The following PPARA variants were observed in gnomAD, a reference collection of about 807,000 sequenced individuals.
PPARA encodes the protein peroxisome proliferator-activated receptor alpha.
In PPARA, 22 loss-of-function variants were observed where a neutral mutation model predicts 42.2. That is an observed-to-expected ratio of 0.52 (90% CI 0.37 to 0.74). PPARA has a LOEUF of 0.74. Ranked by LOEUF, PPARA falls within the 30% of genes least tolerant of loss-of-function variation. The pLI is 0.00. For missense variants in PPARA, 465 were observed against 608.2 expected (o/e 0.76, Z 2.48); for synonymous variants, 242 against 239.3 (o/e 1.01, Z -0.10).
At chr22:46,151,826 A>C (rs1221607952) in intron 1 of PPARA, 62 bp from the exon 2 acceptor site, 2 of 152,238 alleles carry the variant, frequency 1.3e-5, no homozygotes, top group African/African-American at 4.8e-5. Context: ...TCCAAGGTGA[A>C]GAGTTGGGGG....
chr22:46,204,069 TG>T lies in PPARA; in HGVS notation c.208+5479del. On this transcript the variant is annotated intron_variant, in intron 4 of 8. Coordinates refer to ENST00000407236, the MANE Select transcript of PPARA (RefSeq NM_005036.6). This position sits in a 1 kb window ranked among gnomAD's most constrained non-coding sequence, Gnocchi z 5.2. ...GAATCCACTTTCTATCATTCTAGGT[TG>T]CTTTATATTTCCTAGAATTTTATAT... Among the ~76,000 whole-genome samples the T allele has an allele frequency of 6.6e-6, 1 of 152,248 alleles. No homozygotes were observed. Among genetic ancestry groups the T allele is most frequent in the East Asian group, 1.9e-4 (1 of 5,202 alleles).
At chr22:46,197,536 G>C (rs2147375265) in intron 3 of PPARA, among the ~76,000 whole-genome samples, 1 of 152,336 alleles carries the variant, frequency 6.6e-6, no homozygotes, top group Admixed American at 6.5e-5. Flanking sequence ...GCCTGGAGGA[G>C]AGGCTCAGTG....
chr22:46,220,818 C>T (rs1601792979), intron 7 of PPARA, among the ~76,000 whole-genome samples: 1 of 151,972 alleles, frequency 6.6e-6, no homozygotes, highest in South Asian at 2.1e-4. Context: ...TGGCACACAC[C>T]TGTAATTCCA....
At chr22:46,152,460 T>C (rs1317607956) in intron 2 of PPARA, among the ~76,000 whole-genome samples, 1 of 152,152 alleles carries the variant, frequency 6.6e-6, no homozygotes, top group African/African-American at 2.4e-5. Flanking sequence ...TTCTGAGTTA[T>C]TGTGTGACTT....
chr22:46,207,674 ATTATTTTTT>A (rs971961643), intron 4 of PPARA, among the ~76,000 whole-genome samples: 2 of 61,726 alleles, frequency 3.2e-5, no homozygotes, highest in African/African-American at 1.3e-4. Flanking sequence ...TATTATTATT[ATTATTTTTT>A]TTTTTTTTTT....
At position 46,190,216 on chromosome 22, in the gene PPARA, C is replaced by T. The variant is rs1190655370; in HGVS notation, c.-42-8126C>T. On this transcript the variant is annotated intron_variant, in intron 3 of 8. Transcript: ENST00000407236. This position sits in a 1 kb window ranked among gnomAD's most constrained non-coding sequence, Gnocchi z 5.6. ...AGAGAAAAATCTGTCTTCTGATGGT[C>T]ACCTGCCCCAGCAACACTACTCGTT... Among the ~76,000 whole-genome samples the T allele has an allele frequency of 6.6e-6, 1 of 152,192 alleles. No homozygotes were observed. The highest frequency in any genetic ancestry group is 1.5e-5 in the Non-Finnish European group (1 of 68,024).
rs139868760 is a variant in PPARA at position 46,182,136 on chromosome 22, A to T, written c.-43+5300A>T. On this transcript the variant is annotated intron_variant, in intron 3 of 8. Coordinates refer to ENST00000407236, the MANE Select transcript of PPARA (RefSeq NM_005036.6). This position sits in a 1 kb window ranked among gnomAD's most constrained non-coding sequence, Gnocchi z 5.2. ...GCTGGGATTACAGGTGTGAACCACC[A>T]TGCCCAGCCAGCAGTTTCTTATAAA... Among the ~76,000 whole-genome samples the T allele has an allele frequency of 2.0e-5, 3 of 152,328 alleles. No individual in the cohort carries two copies. Among genetic ancestry groups the T allele is most frequent in the African/African-American group, 7.2e-5 (3 of 41,568 alleles).
At position 46,183,919 on chromosome 22, in the gene PPARA, C is replaced by T. The variant is rs753373516; in HGVS notation, c.-43+7083C>T. 7.9e-5 allele frequency among the ~76,000 whole-genome samples: 12 copies of T among 152,038 alleles called. No individual in the cohort carries two copies. The highest frequency in any genetic ancestry group is 1.3e-4 in the Admixed American group (2 of 15,258). On this transcript the variant is annotated intron_variant, in intron 3 of 8. Transcript: ENST00000407236. This position sits in a 1 kb window ranked among gnomAD's most constrained non-coding sequence, Gnocchi z 5.5. Reference sequence around the variant, plus strand: ...AGGCTTGCTGCCTGAGGTCAAACCCCGGTCCCGGTGGTTCTGTGCCCCAGC... The same window carrying T: ...AGGCTTGCTGCCTGAGGTCAAACCCTGGTCCCGGTGGTTCTGTGCCCCAGC...
rs1473644070 is a variant in PPARA, at chr22:46,241,637, C to T, written c.*6257C>T. 1 of 152,120 alleles carries T rather than the reference C, an allele frequency of 6.6e-6. No individual in the cohort carries two copies. Among genetic ancestry groups the T allele is most frequent in the Non-Finnish European group, 1.5e-5 (1 of 68,024 alleles). The allele number at this position is 152,120 out of a possible 1,614,324, so 9.4% of individuals were successfully genotyped here. A position where few individuals can be genotyped will look rare whatever the true frequency, so the allele number is the denominator to read the frequency against. ...ACGTCCCGGCAGATCTGGAATGGGG[C>T]CCTCAACTGACCATTTGCTTCTCAG... On this transcript the variant is annotated 3_prime_UTR_variant, in exon 9 of 9. Coordinates refer to ENST00000407236, the MANE Select transcript of PPARA (RefSeq NM_005036.6). This position sits in a 1 kb window ranked among gnomAD's most constrained non-coding sequence, Gnocchi z 5.7.
rs1005846433 is a variant in PPARA at position 46,219,672 on chromosome 22, G to A, written c.509-140G>A. The A allele has an allele frequency of 3.2e-5, 26 of 809,902 alleles. No individual in the cohort carries two copies. Among genetic ancestry groups the A allele is most frequent in the Admixed American group, 1.9e-4 (9 of 48,500 alleles). 50.2% of individuals were successfully genotyped at this position (809,902 alleles called of 1,614,324 possible). A position where few individuals can be genotyped will look rare whatever the true frequency, so the allele number is the denominator to read the frequency against. On this transcript the variant is annotated intron_variant, in intron 6 of 8. Transcript: ENST00000407236. The surrounding 1 kb of genome is among the most constrained non-coding windows in gnomAD (Gnocchi z 4.8). Reference sequence around the variant, plus strand: ...TTTCATCTCTCCATAGTGGAAAGCCGAATAGTAATGAAGGATGGGTCTGAA... The same window carrying A: ...TTTCATCTCTCCATAGTGGAAAGCCAAATAGTAATGAAGGATGGGTCTGAA...
rs1226492290 is a variant in PPARA, at chr22:46,212,996, A to G, written c.209-2177A>G. On this transcript the variant is annotated intron_variant, in intron 4 of 8. Transcript: ENST00000407236. The surrounding 1 kb of genome is among the most constrained non-coding windows in gnomAD (Gnocchi z 4.2). ...GGTGACAGAGTGAGACTCTGTCCCA[A>G]AAAGAAAAAGAATAAACTGCTGTAT... 6.6e-6 allele frequency among the ~76,000 whole-genome samples: 1 copy of G among 152,216 alleles called. No homozygotes were observed. The highest frequency in any genetic ancestry group is 1.5e-5 in the Non-Finnish European group (1 of 68,032).
Position 46,219,161 on chromosome 22 carries a change from CAAAAAAAAAG to C in PPARA, c.509-635_509-626del, listed in dbSNP as rs1555956391. On this transcript the variant is annotated intron_variant, in intron 6 of 8. Coordinates refer to ENST00000407236, the MANE Select transcript of PPARA (RefSeq NM_005036.6). The surrounding 1 kb of genome is among the most constrained non-coding windows in gnomAD (Gnocchi z 4.8). ...TGGGCGACAGAGTGCGACTCCGTCT[CAAAAAAAAAG>C]AAAAAAAAAGAAAAAGTCTCAAATA... 2.1e-5 allele frequency among the ~76,000 whole-genome samples: 3 copies of C among 143,864 alleles called. No individual in the cohort carries two copies. The highest frequency in any genetic ancestry group is 5.2e-5 in the African/African-American group (2 of 38,810). The allele number at this position is 143,864 out of a possible 152,430, so 94.4% of individuals were successfully genotyped here. A position where few individuals can be genotyped will look rare whatever the true frequency, so the allele number is the denominator to read the frequency against.
chr22:46,214,858 C>T lies in PPARA; in HGVS notation c.209-315C>T, dbSNP rs777740053. Reference sequence around the variant, plus strand: ...GGGCGGGATGTGTGGATGGGAGACGCGCGGGCCCGGAGATATGCGGGGCGG... The same window carrying T: ...GGGCGGGATGTGTGGATGGGAGACGTGCGGGCCCGGAGATATGCGGGGCGG... On this transcript the variant is annotated intron_variant, in intron 4 of 8. Coordinates refer to ENST00000407236, the MANE Select transcript of PPARA (RefSeq NM_005036.6). Among the ~76,000 whole-genome samples, 44 of 147,120 alleles carry T rather than the reference C, an allele frequency of 3.0e-4. No individual in the cohort carries two copies. In the Middle Eastern group the frequency reaches 0.015, roughly 50 times the overall value.
intron 2 of PPARA, among the ~76,000 whole-genome samples, chr22:46,172,334 A>AAC (rs1348422861): frequency 6.6e-6 from 1 of 151,810 alleles, no homozygotes; most frequent in Non-Finnish European, 1.5e-5. Flanking sequence ...AAAAAAAAAA[A>AAC]AAAAAACAGC....
At position 46,242,354 on chromosome 22, in the gene PPARA, T is replaced by G. The variant is rs1209410308; in HGVS notation, c.*6974T>G. 6.6e-6 allele frequency: 1 copy of G among 152,620 alleles called. No individual in the cohort carries two copies. The highest frequency in any genetic ancestry group is 2.4e-5 in the African/African-American group (1 of 41,446). 9.5% of individuals were successfully genotyped at this position (152,620 alleles called of 1,614,324 possible). On this transcript the variant is annotated 3_prime_UTR_variant, in exon 9 of 9. Coordinates refer to ENST00000407236, the MANE Select transcript of PPARA (RefSeq NM_005036.6). The surrounding 1 kb of genome is among the most constrained non-coding windows in gnomAD (Gnocchi z 6.1). ...GCCGATCATTTCACAATAAAATCAC[T>G]CACTTTTGGCAACTTCACTTTTTTT...
chr22:46,201,228 T>C (rs965494933), intron 4 of PPARA, among the ~76,000 whole-genome samples: 7 of 152,074 alleles, frequency 4.6e-5, no homozygotes, highest in African/African-American at 1.7e-4. Flanking sequence ...TAGAGGGCTA[T>C]TCTCTGCATG....
In PPARA at chr22:46,216,766, C is replaced by T. The variant is rs1934532907; in HGVS notation, c.369+1433C>T. Among the ~76,000 whole-genome samples the T allele has an allele frequency of 6.6e-6, 1 of 152,166 alleles. No individual in the cohort carries two copies. Among genetic ancestry groups the T allele is most frequent in the Non-Finnish European group, 1.5e-5 (1 of 68,024 alleles). ...AGTGCATGAAGGCAGGCCCTGTTGT[C>T]CTGCATGCTGCCAGCTGGACTGGTG... On this transcript the variant is annotated intron_variant, in intron 5 of 8. Transcript: ENST00000407236. This position sits in a 1 kb window ranked among gnomAD's most constrained non-coding sequence, Gnocchi z 4.5.
chr22:46,208,238 C>G (rs1283836353), intron 4 of PPARA, among the ~76,000 whole-genome samples: 2 of 152,092 alleles, frequency 1.3e-5, no homozygotes, highest in Non-Finnish European at 2.9e-5. Flanking sequence ...CACACACTTA[C>G]CATTTTTTGT....
Position 46,187,297 on chromosome 22 carries a change from C to T in PPARA, c.-43+10461C>T, listed in dbSNP as rs1930953036. ...GTGCATTGGCTCATGCCTGTAATCC[C>T]TTCTCTCCATGCTCAAAACCTGCCC... On this transcript the variant is annotated intron_variant, in intron 3 of 8. Transcript: ENST00000407236. This position sits in a 1 kb window ranked among gnomAD's most constrained non-coding sequence, Gnocchi z 4.9. Among the ~76,000 whole-genome samples, 1 of 152,226 alleles carries T rather than the reference C, an allele frequency of 6.6e-6. No individual in the cohort carries two copies. The highest frequency in any genetic ancestry group is 1.5e-5 in the Non-Finnish European group (1 of 68,044).
Sources: allele counts gnomAD v4.1 joint callset (sites outside exome capture counted in the v4.1 genomes callset), GRCh38; gene constraint gnomAD v4.1.1; non-coding constraint Gnocchi (gnomAD v3.1); transcripts MANE v1.5; gene names NCBI Gene and HGNC (gene_info 2026-07-23, HGNC 2026-07-21).